The following SLC49A3 variants were observed in gnomAD, a reference collection of about 807,000 sequenced individuals.
SLC49A3 encodes solute carrier family 49 member 3.
Under a neutral mutation model 43.8 loss-of-function variants are expected in SLC49A3, and 50 were observed. That is an observed-to-expected ratio of 1.14 (90% CI 0.91 to 1.45). The LOEUF (loss-of-function observed/expected upper bound fraction) is 1.45. SLC49A3 is among the 40% of genes most tolerant of loss of function. The probability of loss-of-function intolerance (pLI) is 0.00; values close to 1 mark genes in which losing one functional copy is unlikely to be tolerated. For synonymous variants in SLC49A3, 413 were observed against 352.0 expected, an observed-to-expected ratio of 1.17 and a Z score of -1.94; for missense variants, 906 against 774.1, an observed-to-expected ratio of 1.17 and a Z score of -2.02.
chr4:681,741 C>T (rs1363536632), downstream of SLC49A3: 1 of 853,262 alleles, frequency 1.2e-6, no homozygotes, highest in Admixed American at 5.3e-5. Context: ...TCCAGCGCCG[C>T]CCCGCCCCCT....
chr4:686,391 G>A (rs1266125456), intron 2 of SLC49A3, 89 bp from the exon 3 acceptor site: 20 of 1,574,122 alleles, frequency 1.3e-5, no homozygotes, highest in Admixed American at 5.3e-5. Context: ...ACCTCCCACT[G>A]CCGCCACCTC....
Position 682,241 on chromosome 4 carries a change from T to C in SLC49A3, c.1397A>G (p.Asp466Gly), listed in dbSNP as rs1739872407. 2.9e-6 allele frequency: 4 copies of C among 1,378,126 alleles called. No individual in the cohort carries two copies. Among genetic ancestry groups the C allele is most frequent in the African/African-American group, 3.0e-5 (2 of 66,782 alleles). 85.4% of individuals were successfully genotyped at this position (1,378,126 alleles called of 1,614,324 possible). Reference protein sequence around the residue: ...PSTRNAVGGADSGPGVDRGGA... With the variant: ...PSTRNAVGGAGSGPGVDRGGA... ...CCCTCGGTCCACACCCGGCCCTGAG[T>C]CTGCGCCGCCCACGGCGTTACGGGT... is the stretch of plus-strand genomic sequence containing the variant. Residue 466 changes from aspartate (D) to glycine (G), a missense_variant, in exon 10 of 10, where the codon GAC (aspartate) becomes GGC (glycine). By Grantham distance (94) the Asp-to-Gly change is moderately conservative. Transcript: ENST00000322224.
At chr4:681,629 C>CCTCCAGCGCCGCCCCGCCCT (rs1739587954), downstream of SLC49A3, among the ~76,000 whole-genome samples, 1 of 94,524 alleles carries the variant, frequency 1.1e-5, no homozygotes, top group African/African-American at 4.2e-5. Flanking sequence ...CGCCCCGCCC[C>CCTCCAGCGCCGCCCCGCCCT]CTCCAGCGCC....
rs1740909718 is a variant in SLC49A3, at chr4:685,900, C to T, written c.520G>A (p.Gly174Ser). 2 of 1,613,966 alleles carry T rather than the reference C, an allele frequency of 1.2e-6. No homozygotes were observed. Among genetic ancestry groups the T allele is most frequent in the African/African-American group, 1.3e-5 (1 of 75,048 alleles). ...NMLATMSNPL[G>S]VLVANVLSPV... ...GACAGCACATTGGCCACAAGGACGC[C>T]CAGAGGGTTCGCTGGGTGGGCGGAT... is the stretch of plus-strand genomic sequence containing the variant. The change falls in exon 4 of 10, where the codon GGC becomes AGC. Residue 174 changes from glycine (G) to serine (S), a missense_variant. Gly to Ser is a moderately conservative substitution (Grantham distance 56). Coordinates refer to ENST00000322224, the MANE Select transcript of SLC49A3 (RefSeq NM_032219.4). This position sits in a 1 kb window ranked among gnomAD's most constrained non-coding sequence, Gnocchi z 4.3.
At position 688,980 on chromosome 4, in the gene SLC49A3, C is replaced by G. The variant is rs759396562; in HGVS notation, c.135+13G>C. 1.8e-4 allele frequency: 284 copies of G among 1,590,660 alleles called. 1 individual carries two copies. The highest frequency in any genetic ancestry group is 2.3e-4 in the Non-Finnish European group (264 of 1,170,940). On this transcript the variant is annotated intron_variant, in intron 1 of 9. Transcript: ENST00000322224. Reference sequence around the variant, plus strand: ...AGGGTCCCGGAGCCACCTGTCCCCGCCCCTGCCCCTACCGTGGCGTTGGAG... The same window carrying G: ...AGGGTCCCGGAGCCACCTGTCCCCGGCCCTGCCCCTACCGTGGCGTTGGAG...
At chr4:679,876 A>G, downstream of SLC49A3, 1 of 1,569,842 alleles carries the variant, frequency 6.4e-7, no homozygotes, top group East Asian at 2.2e-5. Context: ...AGGGCAGGCA[A>G]CAAGCCCTGC....
chr4:681,221 G>A, downstream of SLC49A3: 1 of 1,512,800 alleles, frequency 6.6e-7, no homozygotes, highest in Non-Finnish European at 9.0e-7. Context: ...GGGACGCGGA[G>A]CCCGAGGAGC....
intron 6 of SLC49A3, 80 bp downstream of exon 6, chr4:684,403 A>C (rs1319513438): frequency 6.4e-7 from 1 of 1,567,722 alleles, no homozygotes; most frequent in Non-Finnish European, 8.6e-7. Context: ...GACACTGGGC[A>C]CCCTGGAGGC....
rs772197014 is a variant in SLC49A3 at position 683,642 on chromosome 4, G to A, written c.960C>T (p.Cys320=). Residue 320 remains cysteine, a synonymous_variant, in exon 7 of 10, where the codon TGC becomes TGT. Transcript: ENST00000322224. ...AGGGCACGCAGGCCAGAGAGAACAG[G>A]CACAGGCCAATCTTGGTGGCCTCAG... ...HFTEATKIGL[C]LFSLACVPFA... is the part of the protein sequence containing the mutation. The A allele has an allele frequency of 5.6e-6, 9 of 1,612,522 alleles. No homozygotes were observed. The African/African-American group carries it at 1.1e-4, about 19-fold the overall frequency.
downstream of SLC49A3, among the ~76,000 whole-genome samples, chr4:679,506 T>A (rs1199513058): frequency 6.6e-6 from 1 of 152,096 alleles, no homozygotes; most frequent in East Asian, 1.9e-4. Context: ...CTGCGGCACA[T>A]TCTGTTCCCA....
At chr4:678,542 C>T, downstream of SLC49A3, 7 of 1,470,540 alleles carry the variant, frequency 4.8e-6, no homozygotes, top group Non-Finnish European at 5.4e-6. Context: ...TGGCCCCCTC[C>T]AGCCCGAAGG....
At chr4:690,003 C>T (rs1013866803), upstream of SLC49A3, among the ~76,000 whole-genome samples, 3 of 152,252 alleles carry the variant, frequency 2.0e-5, no homozygotes, top group African/African-American at 7.2e-5. Context: ...GGATTTCCCC[C>T]AAACAGGGAG....
chr4:680,979 G>T, downstream of SLC49A3: 2 of 1,187,276 alleles, frequency 1.7e-6, no homozygotes, highest in Non-Finnish European at 2.4e-6. Flanking sequence ...CAGCGGGAAG[G>T]GCGGGAGTGC....
In SLC49A3 at chr4:685,840, A is replaced by G. The variant is rs1437833687; in HGVS notation, c.580T>C (p.Leu194=). The G allele has an allele frequency of 1.2e-5, 19 of 1,613,818 alleles. No individual in the cohort carries two copies. Among genetic ancestry groups the G allele is most frequent in the Non-Finnish European group, 1.5e-5 (18 of 1,179,984 alleles). ...GGCGTCTCATGACCCCTCACCATTA[A>G]CGGAATGTCCTCACCCTTCTTGACC... ...VLVKKGEDIP[L]MLGVYTIPAG... Residue 194 remains leucine, a synonymous_variant, in exon 4 of 10, where the codon TTA becomes CTA. Transcript: ENST00000322224. This position sits in a 1 kb window ranked among gnomAD's most constrained non-coding sequence, Gnocchi z 4.3.
intron 1 of SLC49A3, chr4:687,915 C>T (rs759454872): frequency 6.6e-6 from 1 of 152,228 alleles, no homozygotes; most frequent in Non-Finnish European, 1.5e-5. Context: ...TTACGGCTCA[C>T]TGTGGTGACC....
At chr4:691,068 C>A (rs1741847584), upstream of SLC49A3, among the ~76,000 whole-genome samples, 1 of 152,082 alleles carries the variant, frequency 6.6e-6, no homozygotes. Flanking sequence ...AGGTGGATCA[C>A]AAGGTCAGGA....
chr4:689,243 CG>C, upstream of SLC49A3: 1 of 639,844 alleles, frequency 1.6e-6, no homozygotes, highest in Non-Finnish European at 2.2e-6. Flanking sequence ...GGCCGGGCCA[CG>C]GGGGGCCAGT....
rs779483535 is a variant in SLC49A3, at chr4:684,342, C to T, written c.840+141G>A. On this transcript the variant is annotated intron_variant, in intron 6 of 9. Coordinates refer to ENST00000322224, the MANE Select transcript of SLC49A3 (RefSeq NM_032219.4). The stretch of plus-strand genomic sequence containing the variant: ...GGACATAATGTCACACAGGGCATCT[C>T]GGGAGGGCCCACAGCACAGAAGGGT... 110 of 1,179,242 alleles carry T rather than the reference C, an allele frequency of 9.3e-5. No individual in the cohort carries two copies. The South Asian group carries it at 1.4e-3, about 15-fold the overall frequency. 73.0% of individuals were successfully genotyped at this position (1,179,242 alleles called of 1,614,324 possible). A position where few individuals can be genotyped will look rare whatever the true frequency, so the allele number is the denominator to read the frequency against.
rs1217417145 is a variant in SLC49A3 at position 686,224 on chromosome 4, G to C, written c.373C>G (p.Pro125Ala). ...VPCMVVGTQNPFAFLMGGQSL... is the reference protein window; with the variant it reads ...VPCMVVGTQNAFAFLMGGQSL... ...TGGCCACCCATGAGGAAGGCAAATG[G>C]GTTTTGGGTCCCAACAACCATGCAG... The change falls in exon 3 of 10, where the codon CCA (proline) becomes GCA (alanine). Residue 125 changes from proline (P) to alanine (A), a missense_variant. Transcript: ENST00000322224. 1 of 1,613,494 alleles carries C rather than the reference G, an allele frequency of 6.2e-7. No homozygotes were observed. The highest frequency in any genetic ancestry group is 1.3e-5 in the African/African-American group (1 of 74,950).
Sources: gnomAD v4.1 joint callset for allele counts (sites outside exome capture counted in the v4.1 genomes callset) on GRCh38, gnomAD v4.1.1 for gene constraint, Gnocchi (gnomAD v3.1) non-coding constraint, MANE v1.5 for transcripts, NCBI Gene and HGNC (gene_info 2026-07-23, HGNC 2026-07-21) for gene names.